SCAF4: variants seen among roughly 807,000 people sequenced by gnomAD.
The protein encoded by SCAF4 is SR-related and CTD-associated factor 4.
In SCAF4, 25 loss-of-function variants were observed where a neutral mutation model predicts 129.8. The ratio of observed to expected loss-of-function variants is 0.19; its 90% CI spans 0.14 to 0.27. The LOEUF (loss-of-function observed/expected upper bound fraction) is 0.27. SCAF4 is among the 10% of genes least tolerant of loss of function. SCAF4 has a pLI of 1.00. For synonymous variants in SCAF4, 551 were observed against 497.7 expected, an observed-to-expected ratio of 1.11 and a Z score of -1.43; for missense variants, 1,246 against 1,457.1, an observed-to-expected ratio of 0.86 and a Z score of 2.36.
chr21:31,729,574 G>A (rs571853982), intron 1 of SCAF4, among the ~76,000 whole-genome samples: 1 of 150,314 alleles, frequency 6.7e-6, no homozygotes, highest in Middle Eastern at 3.4e-3. Flanking sequence ...TATGGGGAAC[G>A]AATCAAGAAC....
intron 1 of SCAF4, among the ~76,000 whole-genome samples, chr21:31,708,836 C>A (rs571119040): frequency 1.3e-5 from 2 of 152,270 alleles, no homozygotes; most frequent in South Asian, 2.1e-4. Flanking sequence ...TAGATTAAAT[C>A]TTTAATAATA....
intron 1 of SCAF4, among the ~76,000 whole-genome samples, chr21:31,716,290 C>T (rs1197270207): frequency 1.3e-5 from 2 of 151,966 alleles, no homozygotes; most frequent in Non-Finnish European, 2.9e-5. Context: ...GTAGTATGAC[C>T]TCCAAGATGA....
intron 15 of SCAF4, among the ~76,000 whole-genome samples, chr21:31,690,415 G>A (rs1355102828): frequency 6.6e-6 from 1 of 152,108 alleles, no homozygotes; most frequent in East Asian, 1.9e-4. Flanking sequence ...AACCTGGGAG[G>A]CAGAGGTTGC....
Position 31,671,134 on chromosome 21 carries a change from A to C in SCAF4, c.*265T>G. ...AAAAAAAAAAAAAAAAATAGAGAGC[A>C]CTTCTAATTACGATTTGTAAACTTT... On this transcript the variant is annotated 3_prime_UTR_variant, in exon 20 of 20. Coordinates refer to ENST00000286835, the MANE Select transcript of SCAF4 (RefSeq NM_020706.2). 3.0e-6 allele frequency: 1 copy of C among 334,402 alleles called. No individual in the cohort carries two copies. Among genetic ancestry groups the C allele is most frequent in the Non-Finnish European group, 5.3e-6 (1 of 187,060 alleles). 20.7% of individuals were successfully genotyped at this position (334,402 alleles called of 1,614,324 possible).
chr21:31,710,223 T>C (rs753105024), intron 1 of SCAF4, among the ~76,000 whole-genome samples: 3 of 151,952 alleles, frequency 2.0e-5, no homozygotes, highest in African/African-American at 7.3e-5. Flanking sequence ...GAGGATGGAT[T>C]AGAAGGAGCC....
At chr21:31,715,710 TC>T (rs2050906384) in intron 1 of SCAF4, among the ~76,000 whole-genome samples, 1 of 152,214 alleles carries the variant, frequency 6.6e-6, no homozygotes, top group Non-Finnish European at 1.5e-5. Flanking sequence ...TATGCTTTCC[TC>T]CAAGTCAATG....
rs2050538376 is a variant in SCAF4 at position 31,701,770 on chromosome 21, G to GTT, written c.600+4_600+5dup. 9 of 1,604,378 alleles carry GTT rather than the reference G, an allele frequency of 5.6e-6. No homozygotes were observed. Among genetic ancestry groups the GTT allele is most frequent in the Admixed American group, 3.5e-5 (2 of 56,852 alleles). Reference sequence around the variant, plus strand: ...AAACAATTTCACTTTTGAGTAGACAGTTTACCTGTTGGCCTTGAGTTGTCT... The same window carrying GTT: ...AAACAATTTCACTTTTGAGTAGACAGTTTTTACCTGTTGGCCTTGAGTTGTCT... On this transcript the variant is annotated splice_donor_region_variant and intron_variant, in intron 6 of 19. Transcript: ENST00000286835.
intron 19 of SCAF4, 109 bp downstream of exon 19, chr21:31,684,940 T>C (rs944343491): frequency 3.3e-6 from 2 of 598,518 alleles, no homozygotes; most frequent in African/African-American, 2.1e-5. Context: ...TTGGAAATAA[T>C]TTTACCAAAA....
At chr21:31,687,041 A>C (rs1424450482) in intron 16 of SCAF4, among the ~76,000 whole-genome samples, 1 of 152,224 alleles carries the variant, frequency 6.6e-6, no homozygotes, top group Non-Finnish European at 1.5e-5. Flanking sequence ...TCAGCTGAAG[A>C]GTTTGCCAAC....
intron 19 of SCAF4, among the ~76,000 whole-genome samples, chr21:31,676,855 C>T (rs1196642662): frequency 6.6e-6 from 1 of 151,554 alleles, no homozygotes; most frequent in Non-Finnish European, 1.5e-5. Context: ...ATTTCCCCAG[C>T]TTTCCCCTCA....
chr21:31,697,108 T>C (rs2409418), intron 7 of SCAF4, among the ~76,000 whole-genome samples: 1,587 of 152,306 alleles, frequency 0.01, 41 homozygotes, highest in African/African-American at 0.036. Context: ...AAAATGGGTA[T>C]ACATTTTCAG....
chr21:31,729,894 A>G (rs776481186), intron 1 of SCAF4, among the ~76,000 whole-genome samples: 16 of 152,350 alleles, frequency 1.1e-4, no homozygotes, highest in Non-Finnish European at 2.1e-4. Context: ...GGATTAATAG[A>G]AAATACTTTG....
rs2049729382 is a variant in SCAF4, at chr21:31,672,304, T to C, written c.2539A>G (p.Thr847Ala). The C allele has an allele frequency of 1.9e-6, 3 of 1,613,782 alleles. No individual in the cohort carries two copies. The highest frequency in any genetic ancestry group is 2.5e-6 in the Non-Finnish European group (3 of 1,180,022). The change falls in exon 20 of 20, where the codon ACT becomes GCT. Residue 847 changes from threonine (T) to alanine (A), a missense_variant. Around this residue, in one of 6 missense-constraint regions of SCAF4, gnomAD observed 468 missense variants for 605.5 expected, o/e 0.77. Transcript: ENST00000286835. ...GPVIGLQAPS[T>A]GLLGARPGLI... ...CCGGGCCGGGCGCCAAGAAGACCAGTAGATGGTGCCTGAAGTCCAATTACA... is the reference window on the plus strand; with the variant it reads ...CCGGGCCGGGCGCCAAGAAGACCAGCAGATGGTGCCTGAAGTCCAATTACA...
chr21:31,709,104 C>T (rs758607839), intron 1 of SCAF4, among the ~76,000 whole-genome samples: 16 of 152,190 alleles, frequency 1.1e-4, no homozygotes, highest in Non-Finnish European at 1.9e-4. Context: ...CTTCACCTGT[C>T]TGTTCTTTTC....
chr21:31,719,653 T>C (rs761621231), intron 1 of SCAF4, among the ~76,000 whole-genome samples: 48 of 152,014 alleles, frequency 3.2e-4, no homozygotes, highest in Non-Finnish European at 7.4e-5. Context: ...TACAGGCATG[T>C]GCCACCATGC....
chr21:31,714,159 G>T (rs1314808835), intron 1 of SCAF4, among the ~76,000 whole-genome samples: 1 of 151,994 alleles, frequency 6.6e-6, no homozygotes, highest in Non-Finnish European at 1.5e-5. Context: ...GTTTCAGTTA[G>T]AACTAAATGA....
intron 1 of SCAF4, among the ~76,000 whole-genome samples, chr21:31,718,556 A>G (rs2050994612): frequency 1.3e-5 from 2 of 152,148 alleles, no homozygotes; most frequent in African/African-American, 4.8e-5. Context: ...TCAGCCTCCC[A>G]AAGTACTGGG....
At chr21:31,703,192 C>CA (rs11380854) in intron 4 of SCAF4, among the ~76,000 whole-genome samples, 26,851 of 151,964 alleles carry the variant, frequency 0.18, 3,761 homozygotes, top group East Asian at 0.51. Context: ...CTGGAATAAC[C>CA]ACAATCAGAT....
chr21:31,671,200 AT>A lies in SCAF4; in HGVS notation c.*198del. ...TTAAAAAGTTACAGCAAAAAGGGTA[AT>A]ATTTATTCATATTTTCAGTATTTTT... On this transcript the variant is annotated 3_prime_UTR_variant, in exon 20 of 20. Transcript: ENST00000286835. 2.1e-6 allele frequency: 1 copy of A among 479,472 alleles called. No homozygotes were observed. Among genetic ancestry groups the A allele is most frequent in the Non-Finnish European group, 3.6e-6 (1 of 281,506 alleles). 29.7% of individuals were successfully genotyped at this position (479,472 alleles called of 1,614,324 possible).
Sources: allele counts gnomAD v4.1 joint callset (sites outside exome capture counted in the v4.1 genomes callset), GRCh38; gene constraint gnomAD v4.1.1; regional missense constraint gnomAD v4.1.1; transcripts MANE v1.5; gene names NCBI Gene and HGNC (gene_info 2026-07-23, HGNC 2026-07-21).